The following NEDD4L variants were observed in gnomAD, a reference collection of about 807,000 sequenced individuals.
The protein encoded by NEDD4L is NEDD4 like E3 ubiquitin protein ligase.
Under a neutral mutation model 148.9 loss-of-function variants are expected in NEDD4L, and 54 were observed. The ratio of observed to expected loss-of-function variants is 0.36; its 90% CI spans 0.29 to 0.45. NEDD4L has a LOEUF of 0.45. Ranked by LOEUF, NEDD4L falls within the 20% of genes least tolerant of loss-of-function variation. NEDD4L has a pLI of 1.00. For missense variants in NEDD4L, 856 were observed against 1,233.8 expected, an observed-to-expected ratio of 0.69 and a Z score of 4.59; for synonymous variants, 433 against 440.7, an observed-to-expected ratio of 0.98 and a Z score of 0.22.
Position 58,329,109 on chromosome 18 carries a change from G to T in NEDD4L, c.795G>T (p.Glu265Asp), listed in dbSNP as rs995451062. The T allele has an allele frequency of 3.1e-6, 5 of 1,613,836 alleles. No homozygotes were observed. The African/African-American group carries it at 6.7e-5, about 22-fold the overall frequency. The change falls in exon 10 of 31, where the codon GAG becomes GAT. Residue 265 changes from glutamate (E) to aspartate (D), a missense_variant. By Grantham distance (45) the Glu-to-Asp change is conservative. This residue lies in a region of NEDD4L where 367 missense variants were observed against 422.7 expected (regional missense o/e 0.87). Transcript: ENST00000400345. ...AAGACTTGGAGCCCGAGCCCTCGGA[G>T]GGCGGGGATGTCCCCGAGGTACGAT... ...ISEDLEPEPS[E>D]GGDVPEPWET...
At chr18:58,085,472 A>G (rs2083711644) in intron 1 of NEDD4L, among the ~76,000 whole-genome samples, 1 of 152,176 alleles carries the variant, frequency 6.6e-6, no homozygotes. Context: ...TGAGGAGGGA[A>G]GAGGCTGAGG....
intron 1 of NEDD4L, among the ~76,000 whole-genome samples, chr18:58,104,432 A>G (rs923482264): frequency 1.1e-4 from 16 of 152,236 alleles, no homozygotes; most frequent in Admixed American, 2.0e-4. Flanking sequence ...TGGTGGTTGT[A>G]TGACATTGTG....
chr18:58,382,269 A>ACC (rs2048444400), intron 24 of NEDD4L, among the ~76,000 whole-genome samples: 1 of 152,068 alleles, frequency 6.6e-6, no homozygotes, highest in African/African-American at 2.4e-5. Flanking sequence ...GGACCAAGGA[A>ACC]CCCCTGGAGG....
chr18:58,341,870 G>A (rs940488902), intron 15 of NEDD4L, 73 bp downstream of exon 15: 34 of 1,540,790 alleles, frequency 2.2e-5, no homozygotes, highest in Non-Finnish European at 2.9e-5. Flanking sequence ...TCTTAACTCT[G>A]CCTTCAGTTT....
chr18:58,217,244 C>T (rs1165521643), intron 2 of NEDD4L, among the ~76,000 whole-genome samples: 1 of 152,148 alleles, frequency 6.6e-6, no homozygotes, highest in Non-Finnish European at 1.5e-5. Context: ...TTGTTATCAC[C>T]AAACCTTGCC....
chr18:58,361,496 A>G (rs866624383), intron 19 of NEDD4L, among the ~76,000 whole-genome samples: 2 of 152,216 alleles, frequency 1.3e-5, no homozygotes, highest in African/African-American at 2.4e-5. Flanking sequence ...CCCCTCAGAA[A>G]GGCAGGGCAA....
At position 58,369,454 on chromosome 18, in the gene NEDD4L, T is replaced by G. The variant is rs1436937280; in HGVS notation, c.2186-943T>G. 6.5e-5 allele frequency among the ~76,000 whole-genome samples: 3 copies of G among 46,504 alleles called. 1 individual carries two copies. Among genetic ancestry groups the G allele is most frequent in the Non-Finnish European group, 1.3e-4 (3 of 22,490 alleles). 30.5% of individuals were successfully genotyped at this position (46,504 alleles called of 152,430 possible). ...ATGGGAATGTCCCTGTCGGCAGGGC[T>G]CATTCTGCACATCTGTCCGATGGGA... On this transcript the variant is annotated intron_variant, in intron 22 of 30. Coordinates refer to ENST00000400345, the MANE Select transcript of NEDD4L (RefSeq NM_001144967.3).
intron 1 of NEDD4L, among the ~76,000 whole-genome samples, chr18:58,084,878 A>G (rs2083675084): frequency 6.6e-6 from 1 of 151,820 alleles, no homozygotes; most frequent in Non-Finnish European, 1.5e-5. Flanking sequence ...TAATTTTGGT[A>G]GAGACTGGGT....
At chr18:58,200,689 C>T (rs138370612) in intron 2 of NEDD4L, among the ~76,000 whole-genome samples, 19 of 152,240 alleles carry the variant, frequency 1.2e-4, no homozygotes, top group African/African-American at 4.6e-4. Flanking sequence ...GTGGGGCTAC[C>T]AGAGGGGCCA....
At chr18:58,118,139 A>G (rs1171190856) in intron 1 of NEDD4L, among the ~76,000 whole-genome samples, 1 of 152,218 alleles carries the variant, frequency 6.6e-6, no homozygotes, top group African/African-American at 2.4e-5. Flanking sequence ...AAGTTGTTAG[A>G]GTGAACCTTA....
intron 16 of NEDD4L, among the ~76,000 whole-genome samples, chr18:58,348,337 T>TTTTTC (rs1192263482): frequency 1.5e-5 from 2 of 134,908 alleles, no homozygotes; most frequent in African/African-American, 5.9e-5. Flanking sequence ...TTTTTTTTTT[T>TTTTTC]TTTTTTTTTT....
At chr18:58,391,603 G>T in intron 30 of NEDD4L, 44 bp downstream of exon 30, 2 of 1,358,766 alleles carry the variant, frequency 1.5e-6, no homozygotes, top group Non-Finnish European at 2.1e-6. Flanking sequence ...TATCTGAACT[G>T]CTTAGCTGGG....
chr18:58,081,582 T>C (rs998235942), intron 1 of NEDD4L, among the ~76,000 whole-genome samples: 4 of 152,080 alleles, frequency 2.6e-5, no homozygotes, highest in African/African-American at 9.7e-5. Context: ...TTGAACACTT[T>C]AGGAAATCTG....
At chr18:58,350,151 C>G (rs1394232448) in intron 17 of NEDD4L, among the ~76,000 whole-genome samples, 1 of 152,154 alleles carries the variant, frequency 6.6e-6, no homozygotes, top group African/African-American at 2.4e-5. Context: ...TCCTCCTCAA[C>G]AACTCACTCT....
intron 13 of NEDD4L, among the ~76,000 whole-genome samples, chr18:58,338,856 CA>C (rs1353618302): frequency 6.6e-6 from 1 of 152,180 alleles, no homozygotes; most frequent in Non-Finnish European, 1.5e-5. Context: ...GCGGAGGTTG[CA>C]GTGAGCCAAG....
At chr18:58,130,286 A>T (rs58727400) in intron 1 of NEDD4L, among the ~76,000 whole-genome samples, 3 of 107,276 alleles carry the variant, frequency 2.8e-5, no homozygotes, top group African/African-American at 7.4e-5. Flanking sequence ...GAACTGTGGC[A>T]GTGTTGGGCT....
At chr18:58,119,971 C>T (rs112356197) in intron 1 of NEDD4L, among the ~76,000 whole-genome samples, 1,935 of 152,322 alleles carry the variant, frequency 0.013, 24 homozygotes, top group Non-Finnish European at 0.022. Context: ...CAGATTGGCA[C>T]ACATCGCATT....
rs543675155 is a variant in NEDD4L at position 58,199,224 on chromosome 18, C to T, written c.122+33363C>T. On this transcript the variant is annotated intron_variant, in intron 2 of 30. Transcript: ENST00000400345. ...TCCACGTTGACATCTTCTTACATTG[C>T]GATAGAAATTTTGATATATTTATCC... Among the ~76,000 whole-genome samples, 16 of 152,130 alleles carry T rather than the reference C, an allele frequency of 1.1e-4. No individual in the cohort carries two copies. In the South Asian group the frequency reaches 2.5e-3, roughly 24 times the overall value.
chr18:58,316,432 C>T (rs2058279353), intron 6 of NEDD4L, among the ~76,000 whole-genome samples: 1 of 152,228 alleles, frequency 6.6e-6, no homozygotes, highest in African/African-American at 2.4e-5. Flanking sequence ...TCTGGAACCG[C>T]ACATGCCATT....
Sources: allele counts gnomAD v4.1 joint callset (sites outside exome capture counted in the v4.1 genomes callset), GRCh38; gene constraint gnomAD v4.1.1; regional missense constraint gnomAD v4.1.1; transcripts MANE v1.5; gene names NCBI Gene and HGNC (gene_info 2026-07-23, HGNC 2026-07-21).